Variants in CLSTN2 observed in about 807,000 individuals in gnomAD.
CLSTN2 encodes calsyntenin 2.
In CLSTN2, 48 loss-of-function variants were observed where a neutral mutation model predicts 101.2. The observed-to-expected ratio is 0.47, with a 90% CI of 0.38 to 0.60. CLSTN2 has a LOEUF of 0.60. Among genes scored for constraint, CLSTN2 ranks in the 20% least tolerant of loss-of-function variants. The pLI, the probability that CLSTN2 is intolerant of heterozygous loss-of-function variation, is 0.00. For missense variants in CLSTN2, 1,160 were observed against 1,238.2 expected, an observed-to-expected ratio of 0.94 and a Z score of 0.95; for synonymous variants, 481 against 463.6, an observed-to-expected ratio of 1.04 and a Z score of -0.48.
chr3:140,058,006 T>C (rs1351553753), intron 1 of CLSTN2, among the ~76,000 whole-genome samples: 1 of 152,194 alleles, frequency 6.6e-6, no homozygotes, highest in African/African-American at 2.4e-5. Context: ...CAAGGCCTTA[T>C]TAGTAGAACA....
chr3:140,014,027 A>G (rs1249391140), intron 1 of CLSTN2, among the ~76,000 whole-genome samples: 1 of 152,134 alleles, frequency 6.6e-6, no homozygotes, highest in African/African-American at 2.4e-5. Context: ...CCTTCTGACT[A>G]CTATTGTATT....
chr3:140,373,646 T>A (rs1174310886), intron 2 of CLSTN2, among the ~76,000 whole-genome samples: 4 of 152,152 alleles, frequency 2.6e-5, no homozygotes, highest in Non-Finnish European at 4.4e-5. Context: ...TGACAATCAG[T>A]ACTATTAGCT....
chr3:140,369,246 C>T (rs929151176), intron 2 of CLSTN2, among the ~76,000 whole-genome samples: 8 of 152,216 alleles, frequency 5.3e-5, no homozygotes, highest in African/African-American at 1.9e-4. Context: ...GGATTCTAGA[C>T]ACTTCAATTG....
At chr3:139,956,649 G>T (rs1187102314) in intron 1 of CLSTN2, among the ~76,000 whole-genome samples, 1 of 152,160 alleles carries the variant, frequency 6.6e-6, no homozygotes, top group Non-Finnish European at 1.5e-5. Flanking sequence ...AAAACAGAAA[G>T]AAAGCCCTCT....
intron 2 of CLSTN2, among the ~76,000 whole-genome samples, chr3:140,186,619 A>C (rs2107834251): frequency 6.6e-6 from 1 of 152,302 alleles, no homozygotes; most frequent in South Asian, 2.1e-4. Flanking sequence ...TCCCCCATGA[A>C]TCTTGACAGT....
At chr3:140,454,405 TC>T in intron 6 of CLSTN2, 1 of 152,294 alleles carries the variant, frequency 6.6e-6, no homozygotes, top group Admixed American at 6.5e-5. Flanking sequence ...GAGGAACTCC[TC>T]TTTTCTAGGA....
chr3:139,972,336 CA>C (rs1226059769), intron 1 of CLSTN2, among the ~76,000 whole-genome samples: 3 of 152,064 alleles, frequency 2.0e-5, no homozygotes, highest in Non-Finnish European at 4.4e-5. Flanking sequence ...TTTACTCTTT[CA>C]GGCATCCTAA....
chr3:140,026,871 T>C (rs554339621), intron 1 of CLSTN2, among the ~76,000 whole-genome samples: 1 of 152,314 alleles, frequency 6.6e-6, no homozygotes, highest in South Asian at 2.1e-4. Flanking sequence ...GGGTGGTCAC[T>C]TTTCCTCTTG....
intron 2 of CLSTN2, among the ~76,000 whole-genome samples, chr3:140,190,936 A>G (rs886975391): frequency 1.1e-4 from 17 of 152,048 alleles, no homozygotes; most frequent in Non-Finnish European, 1.5e-5. Flanking sequence ...TACTGACTAG[A>G]ACTTCCAGCA....
chr3:140,194,953 T>A, intron 2 of CLSTN2, among the ~76,000 whole-genome samples: 1 of 152,228 alleles, frequency 6.6e-6, no homozygotes, highest in East Asian at 1.9e-4. Context: ...TACAGGCCCC[T>A]CATGTAGTCT....
intron 1 of CLSTN2, among the ~76,000 whole-genome samples, chr3:139,970,371 G>T (rs942120749): frequency 6.6e-6 from 1 of 152,148 alleles, no homozygotes; most frequent in African/African-American, 2.4e-5. Flanking sequence ...TTATAATTAT[G>T]ATTACATTTT....
chr3:140,465,045 A>G (rs1375823709), intron 7 of CLSTN2, among the ~76,000 whole-genome samples: 1 of 152,214 alleles, frequency 6.6e-6, no homozygotes, highest in African/African-American at 2.4e-5. Context: ...CATTCCACAC[A>G]TTTCCTCATT....
At chr3:139,961,523 A>G (rs968638907) in intron 1 of CLSTN2, among the ~76,000 whole-genome samples, 2 of 152,186 alleles carry the variant, frequency 1.3e-5, no homozygotes, top group Non-Finnish European at 2.9e-5. Flanking sequence ...AAAATGAGTG[A>G]TGTTGATCTG....
At chr3:139,950,934 T>C (rs1364074165) in intron 1 of CLSTN2, among the ~76,000 whole-genome samples, 1 of 152,236 alleles carries the variant, frequency 6.6e-6, no homozygotes, top group Non-Finnish European at 1.5e-5. Context: ...GTGATTCAGA[T>C]GTCATGGACA....
chr3:140,394,727 G>A (rs1189617495), intron 2 of CLSTN2, among the ~76,000 whole-genome samples: 7 of 152,186 alleles, frequency 4.6e-5, no homozygotes, highest in Non-Finnish European at 7.3e-5. Context: ...GGCACAGAAC[G>A]ATGTAGGCTG....
intron 1 of CLSTN2, among the ~76,000 whole-genome samples, chr3:139,985,190 C>T (rs942723618): frequency 6.6e-6 from 1 of 152,174 alleles, no homozygotes; most frequent in Non-Finnish European, 1.5e-5. Context: ...AAGATTAGCT[C>T]ACATTCCTGC....
chr3:140,240,512 A>G (rs963792404), intron 2 of CLSTN2, among the ~76,000 whole-genome samples: 3 of 151,912 alleles, frequency 2.0e-5, no homozygotes, highest in African/African-American at 7.2e-5. Flanking sequence ...AGGCTCATTT[A>G]CTCATGGGAT....
intron 2 of CLSTN2, among the ~76,000 whole-genome samples, chr3:140,186,796 G>A (rs879622521): frequency 1.3e-5 from 2 of 152,092 alleles, no homozygotes; most frequent in African/African-American, 4.8e-5. Context: ...GGCTTGGGTG[G>A]CTGTGACTTC....
intron 4 of CLSTN2, among the ~76,000 whole-genome samples, chr3:140,405,548 T>A (rs2088293578): frequency 8.5e-6 from 1 of 117,144 alleles, no homozygotes; most frequent in South Asian, 3.7e-4. Context: ...TTTATAAAGT[T>A]CTTGCCAGTG....
Sources: gnomAD v4.1 joint callset for allele counts (sites outside exome capture counted in the v4.1 genomes callset) on GRCh38, gnomAD v4.1.1 for gene constraint, MANE v1.5 for transcripts, NCBI Gene and HGNC (gene_info 2026-07-23, HGNC 2026-07-21) for gene names.